Variants in PLAG1 observed in about 807,000 individuals in gnomAD.
PLAG1 encodes the protein PLAG1 zinc finger.
A neutral mutation model predicts 35.5 loss-of-function variants in PLAG1; 7 were observed. The ratio of observed to expected loss-of-function variants is 0.20; its 90% confidence interval spans 0.11 to 0.37. The LOEUF is 0.37. Ranked by LOEUF, PLAG1 falls within the 10% of genes least tolerant of loss-of-function variation. The pLI, the probability that PLAG1 is intolerant of heterozygous loss-of-function variation, is 1.00. For missense variants in PLAG1, 454 were observed against 602.8 expected, an observed-to-expected ratio of 0.75 and a Z score of 2.58; for synonymous variants, 229 against 225.4, an observed-to-expected ratio of 1.02 and a Z score of -0.14.
chr8:56,192,109 G>C (rs958030809), intron 1 of PLAG1, among the ~76,000 whole-genome samples: 2 of 151,206 alleles, frequency 1.3e-5, no homozygotes, highest in African/African-American at 2.4e-5. Context: ...AGAGAGGGAA[G>C]GTTGCTGTAA....
rs1056253308 is a variant in PLAG1 at position 56,163,025 on chromosome 8, C to T, written c.*3218G>A. The T allele has an allele frequency of 1.5e-5, 3 of 206,662 alleles. No individual in the cohort carries two copies. Among genetic ancestry groups the T allele is most frequent in the Non-Finnish European group, 2.0e-5 (2 of 100,940 alleles). 12.8% of individuals were successfully genotyped at this position (206,662 alleles called of 1,614,324 possible). A position where few individuals can be genotyped will look rare whatever the true frequency, so the allele number is the denominator to read the frequency against. On this transcript the variant is annotated 3_prime_UTR_variant, in exon 5 of 5. Transcript: ENST00000316981. ...TTAAAATGAAAGTTTTAACAGTGAT[C>T]GATAACTATAAAGGTACTTGTATAC...
chr8:56,189,980 T>C (rs968095565), intron 1 of PLAG1, among the ~76,000 whole-genome samples: 3 of 152,034 alleles, frequency 2.0e-5, no homozygotes, highest in African/African-American at 7.2e-5. Flanking sequence ...TAACTGGAGA[T>C]GGAAGGGCTG....
chr8:56,195,757 C>T (rs539932680), intron 1 of PLAG1, among the ~76,000 whole-genome samples: 14 of 152,234 alleles, frequency 9.2e-5, no homozygotes, highest in African/African-American at 2.9e-4. Flanking sequence ...CGCCTGGCTT[C>T]GTGTGGGAGA....
chr8:56,189,235 C>G (rs1284754673), intron 1 of PLAG1, among the ~76,000 whole-genome samples: 1 of 152,214 alleles, frequency 6.6e-6, no homozygotes, highest in Non-Finnish European at 1.5e-5. Flanking sequence ...CTGTGAATAA[C>G]TGGGCATTGA....
rs571499017 is a variant in PLAG1, at chr8:56,182,575, C to A, written c.-321-3062G>T. Among the ~76,000 whole-genome samples the A allele has an allele frequency of 1.5e-3, 187 of 126,358 alleles. 3 individuals carry two copies. In the South Asian group the frequency reaches 0.047, roughly 32 times the overall value. The allele number at this position is 126,358 out of a possible 152,430, so 82.9% of individuals were successfully genotyped here. A position where few individuals can be genotyped will look rare whatever the true frequency, so the allele number is the denominator to read the frequency against. ...TAGGCATGAGGACACCAAACTTCAG[C>A]AAGAGAAGTTATTGGGTGGGGCGGG... On this transcript the variant is annotated intron_variant, in intron 1 of 4. Transcript: ENST00000316981.
At chr8:56,179,049 A>AAAAAAAAAAG (rs1811791939) in intron 2 of PLAG1, among the ~76,000 whole-genome samples, 1 of 145,368 alleles carries the variant, frequency 6.9e-6, no homozygotes, top group African/African-American at 2.5e-5. Flanking sequence ...AAAAAAAAAA[A>AAAAAAAAAAG]GATATAAGGG....
chr8:56,208,255 T>C (rs1191704455), intron 1 of PLAG1, among the ~76,000 whole-genome samples: 1 of 152,170 alleles, frequency 6.6e-6, no homozygotes, highest in Non-Finnish European at 1.5e-5. Flanking sequence ...TTTGTAAGTC[T>C]TAATGGCATT....
At chr8:56,209,145 T>C (rs906865000) in intron 1 of PLAG1, 10 of 152,254 alleles carry the variant, frequency 6.6e-5, no homozygotes, top group African/African-American at 2.2e-4. Flanking sequence ...ATTATGGGCA[T>C]ACACAGCTCT....
intron 1 of PLAG1, among the ~76,000 whole-genome samples, chr8:56,191,003 C>T (rs1812166076): frequency 6.6e-6 from 1 of 152,058 alleles, no homozygotes; most frequent in African/African-American, 2.4e-5. Flanking sequence ...AACGTGGGAG[C>T]CCGGCGCTAC....
chr8:56,194,975 G>C (rs1203815051), intron 1 of PLAG1, among the ~76,000 whole-genome samples: 6 of 152,142 alleles, frequency 3.9e-5, no homozygotes, highest in African/African-American at 1.4e-4. Context: ...AAAAGGAGGG[G>C]TTAGAAAGCA....
rs1346050300 is a variant in PLAG1 at position 56,165,310 on chromosome 8, CAGTTCCACA to C, written c.*924_*932del. The C allele has an allele frequency of 4.7e-6, 1 of 213,906 alleles. No individual in the cohort carries two copies. Among genetic ancestry groups the C allele is most frequent in the Non-Finnish European group, 9.5e-6 (1 of 105,758 alleles). 13.3% of individuals were successfully genotyped at this position (213,906 alleles called of 1,614,324 possible). A position where few individuals can be genotyped will look rare whatever the true frequency, so the allele number is the denominator to read the frequency against. ...GTGGGATAAACACACCTCATGGCTG[CAGTTCCACA>C]ATGGCTCTAGATTATGGACTAACCG... On this transcript the variant is annotated 3_prime_UTR_variant, in exon 5 of 5. Transcript: ENST00000316981.
intron 3 of PLAG1, among the ~76,000 whole-genome samples, chr8:56,169,945 C>T (rs1370035256): frequency 6.6e-6 from 1 of 152,236 alleles, no homozygotes; most frequent in Non-Finnish European, 1.5e-5. Flanking sequence ...GACACTGACA[C>T]TTGCTGTCCC....
chr8:56,196,109 G>C (rs1812356470), intron 1 of PLAG1, among the ~76,000 whole-genome samples: 1 of 152,184 alleles, frequency 6.6e-6, no homozygotes, highest in Non-Finnish European at 1.5e-5. Context: ...CAGAGGAAAA[G>C]AGAACCCCTA....
intron 1 of PLAG1, 135 bp from the exon 2 acceptor site, chr8:56,179,648 A>G (rs1487608507): frequency 6.5e-6 from 1 of 152,760 alleles, no homozygotes; most frequent in Non-Finnish European, 1.5e-5. Flanking sequence ...TGTATCTTAA[A>G]TCCTGTTAAA....
At chr8:56,188,289 G>C (rs1812082233) in intron 1 of PLAG1, among the ~76,000 whole-genome samples, 1 of 152,124 alleles carries the variant, frequency 6.6e-6, no homozygotes, top group Non-Finnish European at 1.5e-5. Flanking sequence ...TGCAGGGAGG[G>C]GACAGGGATC....
chr8:56,166,071 G>C lies in PLAG1; in HGVS notation c.*172C>G. ...AGGTAAACTTAACTGAACACAAATG[G>C]TTCCAAAGCTCAGTTTAAAAGCTAG... On this transcript the variant is annotated 3_prime_UTR_variant, in exon 5 of 5. Transcript: ENST00000316981. The C allele has an allele frequency of 2.4e-6, 1 of 421,100 alleles. No homozygotes were observed. The highest frequency in any genetic ancestry group is 4.3e-6 in the Non-Finnish European group (1 of 234,160). 26.1% of individuals were successfully genotyped at this position (421,100 alleles called of 1,614,324 possible). A position where few individuals can be genotyped will look rare whatever the true frequency, so the allele number is the denominator to read the frequency against.
At chr8:56,200,227 T>G (rs1224659437) in intron 1 of PLAG1, among the ~76,000 whole-genome samples, 1 of 152,220 alleles carries the variant, frequency 6.6e-6, no homozygotes, top group African/African-American at 2.4e-5. Context: ...GGTATTAACT[T>G]CTTCTATGTG....
intron 1 of PLAG1, among the ~76,000 whole-genome samples, chr8:56,196,322 G>C (rs1208437442): frequency 6.6e-6 from 1 of 152,128 alleles, no homozygotes; most frequent in Non-Finnish European, 1.5e-5. Flanking sequence ...TTTAACCAAG[G>C]GGTTCTTCAC....
chr8:56,167,759 G>A lies in PLAG1; in HGVS notation c.243-256C>T, dbSNP rs1235158915. ...AATGAGCAAGACTGAATATACTCAC[G>A]TAAACGTCCTTACCCTTTTCTTGTT... On this transcript the variant is annotated intron_variant, in intron 4 of 4. Coordinates refer to ENST00000316981, the MANE Select transcript of PLAG1 (RefSeq NM_002655.3). This position sits in a 1 kb window ranked among gnomAD's most constrained non-coding sequence, Gnocchi z 5.9. Among the ~76,000 whole-genome samples, 2 of 152,162 alleles carry A rather than the reference G, an allele frequency of 1.3e-5. No homozygotes were observed. The highest frequency in any genetic ancestry group is 2.4e-5 in the African/African-American group (1 of 41,440).
Sources: gnomAD v4.1 joint callset for allele counts (sites outside exome capture counted in the v4.1 genomes callset) on GRCh38, gnomAD v4.1.1 for gene constraint, Gnocchi (gnomAD v3.1) non-coding constraint, MANE v1.5 for transcripts, NCBI Gene and HGNC (gene_info 2026-07-23, HGNC 2026-07-21) for gene names.